Variants in TLE4 observed in about 807,000 individuals in gnomAD.
TLE4 encodes the protein transducin-like enhancer protein 4.
In TLE4, 8 loss-of-function variants were observed where a neutral mutation model predicts 92.8. That is an observed-to-expected ratio of 0.09 (90% CI 0.05 to 0.16). TLE4 has a LOEUF of 0.16. Ranked by LOEUF, TLE4 falls within the 10% of genes least tolerant of loss-of-function variation. The pLI, the probability that TLE4 is intolerant of heterozygous loss-of-function variation, is 1.00. For missense variants in TLE4, 675 were observed against 997.6 expected, an observed-to-expected ratio of 0.68 and a Z score of 4.36; for synonymous variants, 371 against 374.1, an observed-to-expected ratio of 0.99 and a Z score of 0.10.
intron 12 of TLE4, 136 bp from the exon 13 acceptor site, chr9:79,708,457 G>A: frequency 1.8e-6 from 2 of 1,112,366 alleles, no homozygotes; most frequent in Non-Finnish European, 2.6e-6. Context: ...AGTGAATTCT[G>A]AAGGCTTGAA....
At chr9:79,705,971 C>G (rs778083156) in intron 10 of TLE4, 29 bp downstream of exon 10, 2 of 1,609,316 alleles carry the variant, frequency 1.2e-6, no homozygotes, top group Non-Finnish European at 1.7e-6. Flanking sequence ...TAATTTTTTG[C>G]ACTTGCCCAG....
At chr9:79,658,012 T>C (rs112805095) in intron 8 of TLE4, among the ~76,000 whole-genome samples, 121 of 152,324 alleles carry the variant, frequency 7.9e-4, no homozygotes, top group African/African-American at 2.5e-3. Flanking sequence ...GCACGAGTAC[T>C]TTTTCTCCTC....
At chr9:79,651,993 T>C (rs1031571410) in intron 6 of TLE4, among the ~76,000 whole-genome samples, 2 of 152,180 alleles carry the variant, frequency 1.3e-5, no homozygotes, top group African/African-American at 4.8e-5. Flanking sequence ...GTTAAAGAAA[T>C]ATGTTTGCAT....
chr9:79,606,882 G>T (rs1473835200), intron 4 of TLE4, among the ~76,000 whole-genome samples: 3 of 152,074 alleles, frequency 2.0e-5, no homozygotes, highest in Non-Finnish European at 4.4e-5. Flanking sequence ...AATCCTTTGG[G>T]TATATACCCA....
At chr9:79,580,592 A>G (rs2039371497) in intron 4 of TLE4, among the ~76,000 whole-genome samples, 1 of 151,908 alleles carries the variant, frequency 6.6e-6, no homozygotes, top group Admixed American at 6.6e-5. Context: ...TTTTTTTTCA[A>G]CCTTGCCAGT....
chr9:79,694,790 CAG>C (rs1491319045), intron 8 of TLE4, among the ~76,000 whole-genome samples: 2 of 148,822 alleles, frequency 1.3e-5, no homozygotes, highest in African/African-American at 5.0e-5. Flanking sequence ...AAAAAAAAAG[CAG>C]GGGGGAGGAC....
intron 8 of TLE4, among the ~76,000 whole-genome samples, chr9:79,673,557 C>A (rs1439559642): frequency 6.6e-6 from 1 of 152,112 alleles, no homozygotes; most frequent in African/African-American, 2.4e-5. Flanking sequence ...AAATTATTTT[C>A]TGCATAGTTC....
At chr9:79,671,132 AT>A in intron 8 of TLE4, 1 of 398,722 alleles carries the variant, frequency 2.5e-6, no homozygotes, top group East Asian at 7.3e-5. Flanking sequence ...CCTAGCACAT[AT>A]TTAATTCCAT....
chr9:79,709,789 G>C (rs2072748795), intron 14 of TLE4, 90 bp downstream of exon 14: 3 of 1,033,170 alleles, frequency 2.9e-6, no homozygotes, highest in Non-Finnish European at 4.3e-6. Context: ...AGACAGTGTT[G>C]GGGGAGTTCC....
intron 19 of TLE4, among the ~76,000 whole-genome samples, chr9:79,723,787 T>C (rs1034705281): frequency 1.3e-5 from 2 of 152,196 alleles, no homozygotes; most frequent in African/African-American, 4.8e-5. Context: ...TGCAAGATAA[T>C]CAGTAGGACA....
In TLE4 at chr9:79,644,539, A is replaced by G. The variant is rs193147200; in HGVS notation, c.391-8054A>G. On this transcript the variant is annotated intron_variant, in intron 6 of 19. Coordinates refer to ENST00000376552, the MANE Select transcript of TLE4 (RefSeq NM_007005.6). ...TGTTAAATGACTTGTTCAAACAGGT[A>G]ATAAGGATTCCAGTGACTCTGAGGC... Among the ~76,000 whole-genome samples, 4 of 152,358 alleles carry G rather than the reference A, an allele frequency of 2.6e-5. No individual in the cohort carries two copies. The East Asian group carries it at 7.7e-4, about 29-fold the overall frequency.
chr9:79,655,180 C>T (rs2059604191), intron 8 of TLE4, among the ~76,000 whole-genome samples: 1 of 152,016 alleles, frequency 6.6e-6, no homozygotes, highest in African/African-American at 2.4e-5. Context: ...TACATATGTA[C>T]ACCATTGTAT....
At chr9:79,713,854 GT>G (rs2073920431) in intron 14 of TLE4, among the ~76,000 whole-genome samples, 1 of 19,428 alleles carries the variant, frequency 5.1e-5, no homozygotes, top group Non-Finnish European at 1.2e-4. Context: ...GTTGTTGTTT[GT>G]TGTTGTTGTT....
chr9:79,594,020 T>A (rs2043324875), intron 4 of TLE4, among the ~76,000 whole-genome samples: 1 of 152,204 alleles, frequency 6.6e-6, no homozygotes, highest in Admixed American at 6.5e-5. Context: ...AACAAGGGTC[T>A]AGGACTGGAT....
At chr9:79,630,835 A>G (rs2133660046) in intron 6 of TLE4, among the ~76,000 whole-genome samples, 1 of 152,324 alleles carries the variant, frequency 6.6e-6, no homozygotes, top group Non-Finnish European at 1.5e-5. Flanking sequence ...GGAACCTCAT[A>G]AGAATTTCAC....
chr9:79,649,938 C>CA, intron 6 of TLE4: 1 of 1,225,760 alleles, frequency 8.2e-7, no homozygotes, highest in Non-Finnish European at 1.1e-6. Context: ...TTTTTTGAGA[C>CA]AGGGTTTCAC....
intron 4 of TLE4, among the ~76,000 whole-genome samples, chr9:79,588,143 T>C (rs2041634889): frequency 6.6e-6 from 1 of 151,648 alleles, no homozygotes; most frequent in South Asian, 2.1e-4. Flanking sequence ...TGCGTGTGTG[T>C]GTGTGTGTGT....
At chr9:79,598,887 A>G (rs935401880) in intron 4 of TLE4, among the ~76,000 whole-genome samples, 15 of 152,274 alleles carry the variant, frequency 9.9e-5, no homozygotes, top group African/African-American at 3.1e-4. Flanking sequence ...TTTTGCATTC[A>G]GAACTGCTGT....
chr9:79,623,050 T>A (rs1051945522), intron 5 of TLE4, among the ~76,000 whole-genome samples: 5 of 152,212 alleles, frequency 3.3e-5, no homozygotes, highest in South Asian at 2.1e-4. Context: ...AATGTTTTTT[T>A]AAAATTTTAA....
Sources: gnomAD v4.1 joint callset for allele counts (sites outside exome capture counted in the v4.1 genomes callset) on GRCh38, gnomAD v4.1.1 for gene constraint, MANE v1.5 for transcripts, NCBI Gene and HGNC (gene_info 2026-07-23, HGNC 2026-07-21) for gene names.